Variants in PIGN observed in about 807,000 individuals in gnomAD.
The protein encoded by PIGN is phosphatidylinositol glycan anchor biosynthesis class N.
Under a neutral mutation model 125.4 loss-of-function variants are expected in PIGN, and 117 were observed. That is an observed-to-expected ratio of 0.93 (90% CI 0.80 to 1.09). PIGN has a LOEUF of 1.09. Ranked by LOEUF, PIGN falls within the 50% of genes least tolerant of loss-of-function variation. The pLI is 0.00. For synonymous variants in PIGN, 392 were observed against 377.8 expected (o/e 1.04, Z -0.44); for missense variants, 1,075 against 1,094.9 (o/e 0.98, Z 0.26).
At chr18:62,072,643 T>C in intron 30 of PIGN, 30 bp downstream of exon 30, 3 of 1,543,760 alleles carry the variant, frequency 1.9e-6, no homozygotes, top group Non-Finnish European at 2.7e-6. Context: ...ATCCCTGTTG[T>C]TAAGCAATGC....
At position 62,045,816 on chromosome 18, in the gene PIGN, G is replaced by T; in HGVS notation, c.*40C>A. 6.2e-7 allele frequency: 1 copy of T among 1,606,760 alleles called. No homozygotes were observed. The highest frequency in any genetic ancestry group is 8.5e-7 in the Non-Finnish European group (1 of 1,174,720). On this transcript the variant is annotated 3_prime_UTR_variant, in exon 31 of 31. Transcript: ENST00000640252. ...CCTTGATGAGATTTTAGCTTAAAAG[G>T]AGAATCAGGATCCAGATGCTGAATG...
chr18:62,123,555 G>A (rs2035389828), intron 14 of PIGN: 1 of 152,042 alleles, frequency 6.6e-6, no homozygotes, highest in African/African-American at 2.4e-5. Flanking sequence ...CTAAAATCAG[G>A]ATGAAAATAA....
intron 23 of PIGN, among the ~76,000 whole-genome samples, chr18:62,024,387 C>T (rs1261365392): frequency 6.6e-6 from 1 of 152,150 alleles, no homozygotes; most frequent in Non-Finnish European, 1.5e-5. Context: ...CTTCCCTGTT[C>T]TCATGAGGGC....
chr18:62,169,737 C>T (rs1682739036), intron 1 of PIGN, among the ~76,000 whole-genome samples: 1 of 152,150 alleles, frequency 6.6e-6, no homozygotes, highest in African/African-American at 2.4e-5. Flanking sequence ...CCTCCCACCT[C>T]AGCCTCCTGA....
rs898073408 is a variant in PIGN at position 62,148,349 on chromosome 18, C to G, written c.550-11G>C. On this transcript the variant is annotated splice_polypyrimidine_tract_variant and intron_variant, in intron 7 of 30. Transcript: ENST00000640252. ...ATGATGAAAGAAGTCCTACATATAA[C>G]AAATGAGTTAAAAATATTTAGTTCA... The G allele has an allele frequency of 3.7e-5, 54 of 1,457,352 alleles. No homozygotes were observed. Among genetic ancestry groups the G allele is most frequent in the Non-Finnish European group, 4.8e-5 (52 of 1,092,516 alleles). The allele number at this position is 1,457,352 out of a possible 1,614,324, so 90.3% of individuals were successfully genotyped here.
At chr18:62,081,859 T>C (rs2033463959) in intron 28 of PIGN, among the ~76,000 whole-genome samples, 1 of 152,200 alleles carries the variant, frequency 6.6e-6, no homozygotes, top group South Asian at 2.1e-4. Flanking sequence ...TCTTAAGCAG[T>C]GGAAGAAAAA....
Position 62,121,613 on chromosome 18 carries a change from T to G in PIGN, c.1173-6974A>C, listed in dbSNP as rs1200009334. On this transcript the variant is annotated intron_variant, in intron 14 of 30. Transcript: ENST00000640252. ...TAGCTCCCACATATGAGTGAGAACATGTAAAATTTGTCTTTCCGTGTCGCT... is the reference window on the plus strand; with the variant it reads ...TAGCTCCCACATATGAGTGAGAACAGGTAAAATTTGTCTTTCCGTGTCGCT... 2.0e-5 allele frequency among the ~76,000 whole-genome samples: 3 copies of G among 152,240 alleles called. No individual in the cohort carries two copies. In the South Asian group the frequency reaches 6.2e-4, roughly 32 times the overall value.
intron 30 of PIGN, among the ~76,000 whole-genome samples, chr18:62,063,559 C>G (rs2032326447): frequency 6.6e-6 from 1 of 150,992 alleles, no homozygotes; most frequent in African/African-American, 2.4e-5. Context: ...GGCTTTTTAC[C>G]TCTATGGCTT....
intron 2 of PIGN, among the ~76,000 whole-genome samples, chr18:62,163,081 T>C (rs999039579): frequency 2.0e-5 from 3 of 152,186 alleles, no homozygotes; most frequent in African/African-American, 7.2e-5. Flanking sequence ...AGTAATCTTT[T>C]TAGTGCATCA....
chr18:62,030,737 TC>T (rs1300575582), intron 23 of PIGN, among the ~76,000 whole-genome samples: 3 of 152,254 alleles, frequency 2.0e-5, no homozygotes, highest in African/African-American at 4.8e-5. Flanking sequence ...ATCTGCACTT[TC>T]AAAATGAGGA....
chr18:62,110,190 T>C (rs2034821253), intron 16 of PIGN: 1 of 420,272 alleles, frequency 2.4e-6, no homozygotes, highest in South Asian at 4.8e-5. Flanking sequence ...ATTGCTGCAA[T>C]TAAGCAATTC....
In PIGN at chr18:62,045,153, T is replaced by C. The variant is rs974590134; in HGVS notation, c.*703A>G. ...TTTATTTTAAATGTTTTCCTATGTA[T>C]AAGACAGAAATACCAAGCACTTTCT... is the stretch of plus-strand genomic sequence containing the variant. On this transcript the variant is annotated 3_prime_UTR_variant, in exon 31 of 31. Coordinates refer to ENST00000640252, the MANE Select transcript of PIGN (RefSeq NM_176787.5). The C allele has an allele frequency of 6.6e-6, 1 of 151,530 alleles. No individual in the cohort carries two copies. Among genetic ancestry groups the C allele is most frequent in the Non-Finnish European group, 1.5e-5 (1 of 67,950 alleles). 9.4% of individuals were successfully genotyped at this position (151,530 alleles called of 1,614,324 possible). A position where few individuals can be genotyped will look rare whatever the true frequency, so the allele number is the denominator to read the frequency against.
chr18:62,112,011 C>G (rs1353567969), intron 16 of PIGN, among the ~76,000 whole-genome samples: 1 of 152,174 alleles, frequency 6.6e-6, no homozygotes, highest in Non-Finnish European at 1.5e-5. Flanking sequence ...CACGACTGCT[C>G]TGGATTAAAG....
In PIGN at chr18:62,044,076, C is replaced by T. The variant is rs994475153; in HGVS notation, c.*1780G>A. 1 of 152,038 alleles carries T rather than the reference C, an allele frequency of 6.6e-6. No homozygotes were observed. Among genetic ancestry groups the T allele is most frequent in the African/African-American group, 2.4e-5 (1 of 41,376 alleles). 9.4% of individuals were successfully genotyped at this position (152,038 alleles called of 1,614,324 possible). On this transcript the variant is annotated 3_prime_UTR_variant, in exon 31 of 31. Coordinates refer to ENST00000640252, the MANE Select transcript of PIGN (RefSeq NM_176787.5). ...AGCAAGGCGAGCCTGTGGCTGCAGGCACACAACACAAACTCCACAAACTCT... is the reference window on the plus strand; with the variant it reads ...AGCAAGGCGAGCCTGTGGCTGCAGGTACACAACACAAACTCCACAAACTCT...
chr18:62,162,404 TGATCCTAGGCTGAAAAACACCAAG>T (rs1400330490), intron 2 of PIGN, 75 bp from the exon 3 acceptor site: 2 of 152,100 alleles, frequency 1.3e-5, no homozygotes, highest in Non-Finnish European at 2.9e-5. Flanking sequence ...CTACATATAG[TGATCCTAGGCTGAAAAACACCAAG>T]GATGAGGTAA....
At chr18:62,065,595 C>T (rs981493177) in intron 30 of PIGN, among the ~76,000 whole-genome samples, 1 of 151,862 alleles carries the variant, frequency 6.6e-6, no homozygotes, top group East Asian at 1.9e-4. Context: ...AAAAATTAGC[C>T]GGGCGAGGTG....
At chr18:62,110,443 AACTT>A (rs2034831421) in intron 16 of PIGN, among the ~76,000 whole-genome samples, 1 of 152,160 alleles carries the variant, frequency 6.6e-6, no homozygotes, top group Non-Finnish European at 1.5e-5. Flanking sequence ...ACCCAATAGA[AACTT>A]CATTCAGTCA....
intron 14 of PIGN, among the ~76,000 whole-genome samples, chr18:62,133,623 C>T (rs1157901281): frequency 2.0e-5 from 3 of 151,966 alleles, no homozygotes; most frequent in African/African-American, 7.3e-5. Flanking sequence ...GTTTATATTG[C>T]CTGTTATGTC....
Position 62,113,269 on chromosome 18 carries a change from G to A in PIGN, c.1299C>T (p.Ser433=). The A allele has an allele frequency of 1.2e-6, 2 of 1,612,226 alleles. No individual in the cohort carries two copies. The highest frequency in any genetic ancestry group is 1.7e-6 in the Non-Finnish European group (2 of 1,179,036). The change falls in exon 16 of 31, where the codon TCC becomes TCT. Residue 433 remains serine (S), a synonymous_variant. Transcript: ENST00000640252. ...ELIHLALKGL[S]YYHTYDRFFL... The stretch of plus-strand genomic sequence containing the variant: ...AGAATCTGTCATATGTGTGATAATA[G>A]GACAATCCTTTCAATGCAAGATGAA...
Sources: allele counts gnomAD v4.1 joint callset (sites outside exome capture counted in the v4.1 genomes callset), GRCh38; gene constraint gnomAD v4.1.1; transcripts MANE v1.5; gene names NCBI Gene and HGNC (gene_info 2026-07-23, HGNC 2026-07-21).